PRKCI: variants seen among roughly 807,000 people sequenced by gnomAD.
PRKCI encodes the protein protein kinase C iota type.
Under a neutral mutation model 84.0 loss-of-function variants are expected in PRKCI, and 43 were observed. The observed-to-expected ratio is 0.51, with a 90% CI of 0.40 to 0.66. The LOEUF is 0.66. PRKCI is among the 30% of genes least tolerant of loss of function. The pLI, the probability that PRKCI is intolerant of heterozygous loss-of-function variation, is 0.00. For missense variants in PRKCI, 459 were observed against 745.6 expected (o/e 0.62, Z 4.48); for synonymous variants, 216 against 234.4 (o/e 0.92, Z 0.72).
At chr3:170,291,025 A>T (rs1051321602) in intron 12 of PRKCI, among the ~76,000 whole-genome samples, 36 of 151,966 alleles carry the variant, frequency 2.4e-4, no homozygotes, top group African/African-American at 8.4e-4. Flanking sequence ...AATCTCAGCT[A>T]CTCTGGAGGC....
In PRKCI at chr3:170,303,408, A is replaced by T. The variant is rs1220767732; in HGVS notation, c.*281A>T. 1.2e-4 allele frequency: 9 copies of T among 74,464 alleles called. No homozygotes were observed. Among genetic ancestry groups the T allele is most frequent in the African/African-American group, 2.8e-4 (2 of 7,120 alleles). The allele number at this position is 74,464 out of a possible 1,614,324, so 4.6% of individuals were successfully genotyped here. ...AGTAATGAAGTTATCTTTTTTGTTT[A>T]AAAAAAAAAAAAACACTGCATTAAA... On this transcript the variant is annotated 3_prime_UTR_variant, in exon 18 of 18. Coordinates refer to ENST00000295797, the MANE Select transcript of PRKCI (RefSeq NM_002740.6).
intron 11 of PRKCI, among the ~76,000 whole-genome samples, chr3:170,284,082 C>CG (rs1232627966): frequency 6.6e-6 from 1 of 151,940 alleles, no homozygotes; most frequent in African/African-American, 2.4e-5. Flanking sequence ...CGGAGGATCA[C>CG]GGGTCCCTTA....
At chr3:170,258,545 G>A (rs528763567) in intron 2 of PRKCI, among the ~76,000 whole-genome samples, 2 of 151,892 alleles carry the variant, frequency 1.3e-5, no homozygotes, top group Non-Finnish European at 2.9e-5. Flanking sequence ...ACCTCAACCC[G>A]CCTGCCTCGG....
At position 170,243,546 on chromosome 3, in the gene PRKCI, G is replaced by A. The variant is rs192607912; in HGVS notation, c.223+8195G>A. 1.4e-4 allele frequency among the ~76,000 whole-genome samples: 22 copies of A among 152,244 alleles called. No homozygotes were observed. The East Asian group carries it at 3.9e-3, about 27-fold the overall frequency. On this transcript the variant is annotated intron_variant, in intron 2 of 17. Coordinates refer to ENST00000295797, the MANE Select transcript of PRKCI (RefSeq NM_002740.6). ...GTCAAACCTAGAAATAGAATAGCTG[G>A]ATCATGTGGTAGGTATATATGCTGC...
rs565253961 is a variant in PRKCI, at chr3:170,300,740, C to T, written c.1703+1630C>T. Among the ~76,000 whole-genome samples, 7 of 150,306 alleles carry T rather than the reference C, an allele frequency of 4.7e-5. No homozygotes were observed. The South Asian group carries it at 1.5e-3, about 32-fold the overall frequency. ...TTCAACCCCTTACAATCGAACCTGT[C>T]CTCCAGCTTTTGAAGGTTGAATCAA... On this transcript the variant is annotated intron_variant, in intron 17 of 17. Coordinates refer to ENST00000295797, the MANE Select transcript of PRKCI (RefSeq NM_002740.6).
At chr3:170,246,911 T>A (rs1733302172) in intron 2 of PRKCI, among the ~76,000 whole-genome samples, 1 of 152,210 alleles carries the variant, frequency 6.6e-6, no homozygotes, top group Non-Finnish European at 1.5e-5. Flanking sequence ...TTTTGTGTTT[T>A]TGAAAGATGA....
intron 4 of PRKCI, 110 bp downstream of exon 4, chr3:170,263,539 T>A (rs1577357395): frequency 1.1e-6 from 1 of 888,564 alleles, no homozygotes. Flanking sequence ...CAGTGGCTAA[T>A]GCCTGTAATC....
At chr3:170,276,446 C>A (rs1734117379) in intron 8 of PRKCI, among the ~76,000 whole-genome samples, 1 of 149,592 alleles carries the variant, frequency 6.7e-6, no homozygotes, top group African/African-American at 2.5e-5. Flanking sequence ...GTCTTTTTTT[C>A]TTTTTAACTT....
At chr3:170,284,369 A>T (rs1705584) in intron 11 of PRKCI, 92 bp from the exon 12 acceptor site, 168,801 of 1,132,888 alleles carry the variant, frequency 0.15, 13,775 homozygotes, top group Middle Eastern at 0.17. Context: ...GGAGAAAAAA[A>T]TATGTTTTAA....
chr3:170,249,798 GAA>G (rs569129627), intron 2 of PRKCI, among the ~76,000 whole-genome samples: 3 of 85,050 alleles, frequency 3.5e-5, no homozygotes, highest in South Asian at 3.3e-4. Context: ...CTCTGTCTCA[GAA>G]AAAAAAAAAA....
At chr3:170,270,695 T>A in intron 6 of PRKCI, 134 bp downstream of exon 6, 3 of 1,088,256 alleles carry the variant, frequency 2.8e-6, no homozygotes, top group South Asian at 2.0e-5. Context: ...TGGGGAGGAA[T>A]ACCTTACGTT....
At chr3:170,229,628 A>T (rs576030499) in intron 1 of PRKCI, among the ~76,000 whole-genome samples, 1 of 152,206 alleles carries the variant, frequency 6.6e-6, no homozygotes, top group African/African-American at 2.4e-5. Flanking sequence ...TTTCGGATTG[A>T]TGAACATTTA....
intron 6 of PRKCI, among the ~76,000 whole-genome samples, chr3:170,271,252 A>T (rs1733998342): frequency 6.6e-6 from 1 of 152,144 alleles, no homozygotes; most frequent in African/African-American, 2.4e-5. Context: ...CATTTACTAG[A>T]CATCCAGCTC....
chr3:170,242,916 C>G (rs1437911765), intron 2 of PRKCI, among the ~76,000 whole-genome samples: 1 of 152,160 alleles, frequency 6.6e-6, no homozygotes, highest in East Asian at 1.9e-4. Context: ...GGTGATCCGC[C>G]TGCCTCAGCC....
intron 2 of PRKCI, among the ~76,000 whole-genome samples, chr3:170,240,094 G>A (rs1705591): frequency 3.3e-5 from 5 of 151,910 alleles, no homozygotes; most frequent in Admixed American, 3.3e-4. Flanking sequence ...CATGGGAGAT[G>A]GAGGCTGCAG....
rs1577367543 is a variant in PRKCI at position 170,281,183 on chromosome 3, G to A, written c.900G>A (p.Gln300=). The change falls in exon 10 of 18, where the codon CAG becomes CAA. Residue 300 remains glutamine (Q), a synonymous_variant. Transcript: ENST00000295797. ...VNDDEDIDWV[Q]TEKHVFEQAS... ...CAAAATAGGATATTGATTGGGTACA[G>A]ACAGAGAAGCATGTGTTTGAGCAGG... The A allele has an allele frequency of 6.2e-7, 1 of 1,613,328 alleles. No homozygotes were observed. Among genetic ancestry groups the A allele is most frequent in the South Asian group, 1.1e-5 (1 of 91,048 alleles).
At chr3:170,223,895 T>C (rs1577334523) in intron 1 of PRKCI, among the ~76,000 whole-genome samples, 1 of 150,362 alleles carries the variant, frequency 6.7e-6, no homozygotes, top group South Asian at 2.1e-4. Flanking sequence ...CCCTAAATGT[T>C]GTATTGATTT....
chr3:170,226,163 T>G (rs1278600119), intron 1 of PRKCI, among the ~76,000 whole-genome samples: 2 of 152,198 alleles, frequency 1.3e-5, no homozygotes, highest in Non-Finnish European at 2.9e-5. Flanking sequence ...TCCACCCACC[T>G]CGGTCTCCCA....
At chr3:170,241,532 A>G (rs568089973) in intron 2 of PRKCI, among the ~76,000 whole-genome samples, 24 of 152,184 alleles carry the variant, frequency 1.6e-4, no homozygotes, top group African/African-American at 5.8e-4. Context: ...GTAGTATTCC[A>G]TTGTGTGTAT....
Sources: allele counts gnomAD v4.1 joint callset (sites outside exome capture counted in the v4.1 genomes callset), GRCh38; gene constraint gnomAD v4.1.1; transcripts MANE v1.5; gene names NCBI Gene and HGNC (gene_info 2026-07-23, HGNC 2026-07-21).